Variants in NARS2 observed in about 807,000 individuals in gnomAD.
NARS2 encodes the protein asparaginyl-tRNA synthetase 2, mitochondrial, also known as asparaginyl-tRNA synthetase.
NARS2 carries 60 observed loss-of-function variants against 62.9 expected under a neutral mutation model. The observed-to-expected ratio is 0.95, with a 90% CI of 0.77 to 1.18. The LOEUF is 1.18. Ranked by LOEUF, NARS2 falls within the 50% of genes most tolerant of loss-of-function variation. The probability of loss-of-function intolerance (pLI) is 0.00; values close to 1 mark genes in which losing one functional copy is unlikely to be tolerated. For missense variants in NARS2, 619 were observed against 576.4 expected (o/e 1.07, Z -0.76); for synonymous variants, 196 against 200.0 (o/e 0.98, Z 0.17).
At chr11:78,573,411 CTA>C (rs991263652) in intron 1 of NARS2, 1 of 152,198 alleles carries the variant, frequency 6.6e-6, no homozygotes, top group Non-Finnish European at 1.5e-5. Context: ...TGGTGCATGC[CTA>C]TAGTTTCAGC....
chr11:78,547,566 G>A (rs1290301295), intron 5 of NARS2, among the ~76,000 whole-genome samples: 1 of 152,220 alleles, frequency 6.6e-6, no homozygotes, highest in African/African-American at 2.4e-5. Flanking sequence ...AGCCAGGCAT[G>A]GTGGCTCACG....
intron 11 of NARS2, among the ~76,000 whole-genome samples, chr11:78,461,039 A>C (rs1858373566): frequency 6.6e-6 from 1 of 152,228 alleles, no homozygotes; most frequent in Non-Finnish European, 1.5e-5. Context: ...TGATACGCAT[A>C]CTACGTCATT....
At chr11:78,466,450 GA>G (rs1301042613) in intron 10 of NARS2, among the ~76,000 whole-genome samples, 1 of 151,892 alleles carries the variant, frequency 6.6e-6, no homozygotes, top group East Asian at 1.9e-4. Flanking sequence ...TCCTAATATT[GA>G]GCCTATCTTT....
chr11:78,457,857 A>G (rs1056082422), intron 11 of NARS2, among the ~76,000 whole-genome samples: 3 of 152,074 alleles, frequency 2.0e-5, no homozygotes, highest in Admixed American at 6.6e-5. Flanking sequence ...GTACTTTATC[A>G]TAAGATTTTA....
chr11:78,530,298 A>C (rs911155119), intron 5 of NARS2, among the ~76,000 whole-genome samples: 1 of 152,100 alleles, frequency 6.6e-6, no homozygotes, highest in Non-Finnish European at 1.5e-5. Flanking sequence ...ATATTTCTTC[A>C]TTATTTACTA....
chr11:78,491,018 G>C (rs1859796432), intron 7 of NARS2, among the ~76,000 whole-genome samples: 1 of 152,118 alleles, frequency 6.6e-6, no homozygotes, highest in South Asian at 2.1e-4. Flanking sequence ...CCTGTCATAT[G>C]GTAAAATATA....
Position 78,493,093 on chromosome 11 carries a change from A to C in NARS2, c.792T>G (p.Ser264=). 1.2e-6 allele frequency: 2 copies of C among 1,613,542 alleles called. No individual in the cohort carries two copies. Among genetic ancestry groups the C allele is most frequent in the South Asian group, 2.2e-5 (2 of 91,014 alleles). ...TAAGATCTTGAAGGCTGTCAACAAA[A>C]GAAATCTCTGCTTCTATCATATAAA... ...AEFYMIEAEI[S]FVDSLQDLMQ... Residue 264 remains serine (S), a synonymous_variant, in exon 7 of 14, where the codon TCT becomes TCG. Coordinates refer to ENST00000281038, the MANE Select transcript of NARS2 (RefSeq NM_024678.6).
At chr11:78,504,277 C>T (rs1316978473) in intron 6 of NARS2, among the ~76,000 whole-genome samples, 6 of 152,184 alleles carry the variant, frequency 3.9e-5, no homozygotes, top group Non-Finnish European at 8.8e-5. Flanking sequence ...AAACAAGTCT[C>T]TACCTCCTGA....
intron 5 of NARS2, among the ~76,000 whole-genome samples, chr11:78,559,251 C>T (rs916823884): frequency 1.6e-5 from 2 of 121,402 alleles, no homozygotes; most frequent in Non-Finnish European, 3.2e-5. Flanking sequence ...TGCAGTGAGT[C>T]GAGATCACAC....
At chr11:78,519,231 C>T (rs1861023591) in intron 6 of NARS2, among the ~76,000 whole-genome samples, 2 of 152,124 alleles carry the variant, frequency 1.3e-5, no homozygotes, top group South Asian at 4.1e-4. Context: ...GGCTTTTGAG[C>T]TCATTATCTG....
intron 4 of NARS2, among the ~76,000 whole-genome samples, chr11:78,560,224 T>C (rs1001017929): frequency 2.0e-5 from 3 of 152,238 alleles, no homozygotes; most frequent in African/African-American, 7.2e-5. Context: ...ATTAAACTGA[T>C]GGCACAATGG....
intron 4 of NARS2, among the ~76,000 whole-genome samples, chr11:78,560,451 T>C (rs1367821485): frequency 2.0e-5 from 3 of 152,232 alleles, no homozygotes; most frequent in East Asian, 1.9e-4. Context: ...TTACACACAA[T>C]GTAGATGTTT....
At chr11:78,488,928 G>GAGGAA (rs905003096) in intron 7 of NARS2, among the ~76,000 whole-genome samples, 5 of 151,952 alleles carry the variant, frequency 3.3e-5, no homozygotes, top group African/African-American at 1.2e-4. Flanking sequence ...AAAGAGAAGA[G>GAGGAA]AGGAAAGGAA....
intron 5 of NARS2, among the ~76,000 whole-genome samples, chr11:78,534,628 C>T (rs1313055910): frequency 6.6e-6 from 1 of 152,158 alleles, no homozygotes; most frequent in Non-Finnish European, 1.5e-5. Context: ...AAGATTCATA[C>T]TAAATACCTT....
chr11:78,534,615 T>G (rs1357156808), intron 5 of NARS2, among the ~76,000 whole-genome samples: 1 of 152,220 alleles, frequency 6.6e-6, no homozygotes, highest in Non-Finnish European at 1.5e-5. Flanking sequence ...CCTCTTAAGA[T>G]CAAAGATTCA....
At chr11:78,558,279 C>G (rs1393696473) in intron 5 of NARS2, 2 of 152,164 alleles carry the variant, frequency 1.3e-5, no homozygotes, top group Non-Finnish European at 2.9e-5. Flanking sequence ...TGATCAACGT[C>G]AAGAATTCTT....
At chr11:78,507,328 A>C (rs972174853) in intron 6 of NARS2, among the ~76,000 whole-genome samples, 3 of 152,116 alleles carry the variant, frequency 2.0e-5, no homozygotes, top group African/African-American at 7.2e-5. Flanking sequence ...AGAATCAGGC[A>C]GGCTCAGAAA....
At chr11:78,571,476 T>C (rs974144642) in intron 1 of NARS2, 32 bp from the exon 2 acceptor site, 2 of 1,488,604 alleles carry the variant, frequency 1.3e-6, no homozygotes, top group Non-Finnish European at 9.4e-7. Context: ...AATGTGAGCG[T>C]AAAACATTTT....
intron 6 of NARS2, among the ~76,000 whole-genome samples, chr11:78,522,498 A>G (rs961791468): frequency 6.6e-6 from 1 of 152,232 alleles, no homozygotes; most frequent in South Asian, 2.1e-4. Context: ...TTCTAAAAGG[A>G]TATGTGGCAA....
Sources: gnomAD v4.1 joint callset for allele counts (sites outside exome capture counted in the v4.1 genomes callset) on GRCh38, gnomAD v4.1.1 for gene constraint, MANE v1.5 for transcripts, NCBI Gene and HGNC (gene_info 2026-07-23, HGNC 2026-07-21) for gene names.